The following NBAS variants were observed in gnomAD, a reference collection of about 807,000 sequenced individuals.
NBAS encodes NBAS subunit of NRZ tethering complex.
NBAS carries 219 observed loss-of-function variants against 302.5 expected under a neutral mutation model. The observed-to-expected ratio is 0.72, with a 90% CI of 0.65 to 0.81. NBAS has a LOEUF of 0.81. Among genes scored for constraint, NBAS ranks in the 30% least tolerant of loss-of-function variants. The pLI is 0.00. For synonymous variants in NBAS, 1,118 were observed against 1,021.6 expected, an observed-to-expected ratio of 1.09 and a Z score of -1.80; for missense variants, 2,932 against 2,841.6, an observed-to-expected ratio of 1.03 and a Z score of -0.72.
the NBAS span, among the ~76,000 whole-genome samples, chr2:15,075,029 A>G: frequency 0.26 from 40,133 of 152,050 alleles, 5,439 homozygotes; most frequent in East Asian, 0.34. Flanking sequence ...AAATGCACAC[A>G]CTCTTCAAAT....
chr2:15,462,687 C>A (rs1407949490), intron 19 of NBAS, among the ~76,000 whole-genome samples: 1 of 152,052 alleles, frequency 6.6e-6, no homozygotes, highest in Admixed American at 6.6e-5. Context: ...AAGTTGGCAA[C>A]TATGGCATGT....
chr2:15,340,724 G>C (rs1672808959), intron 35 of NBAS, among the ~76,000 whole-genome samples: 1 of 152,112 alleles, frequency 6.6e-6, no homozygotes, highest in African/African-American at 2.4e-5. Context: ...CATTTAGCTG[G>C]GGAGATGAGG....
rs1183112366 is a variant in NBAS at position 15,497,973 on chromosome 2, T to C, written c.954+6172A>G. ...CAAAAGATATGTTTTTAAAAGCTTA[T>C]CTAACAAATTATTAAAGGAACTAAA... On this transcript the variant is annotated intron_variant, in intron 11 of 51. Transcript: ENST00000281513. Among the ~76,000 whole-genome samples, 3 of 152,206 alleles carry C rather than the reference T, an allele frequency of 2.0e-5. No individual in the cohort carries two copies. In the East Asian group the frequency reaches 5.8e-4, roughly 29 times the overall value.
intron 44 of NBAS, among the ~76,000 whole-genome samples, chr2:15,274,931 AT>A (rs541507520): frequency 8.2e-4 from 115 of 139,992 alleles, no homozygotes; most frequent in Non-Finnish European, 9.3e-4. Flanking sequence ...CACCCAGGTA[AT>A]TTTTTTTTTT....
intron 38 of NBAS, among the ~76,000 whole-genome samples, chr2:15,326,082 T>C (rs1672051260): frequency 3.3e-5 from 5 of 152,178 alleles, no homozygotes; most frequent in Admixed American, 3.3e-4. Context: ...TTGGTGCAGT[T>C]CATGGTGCCC....
At chr2:15,066,505 G>A in the NBAS span, among the ~76,000 whole-genome samples, 9 of 152,060 alleles carry the variant, frequency 5.9e-5, no homozygotes, top group Non-Finnish European at 1.2e-4. Flanking sequence ...ATCATATGAC[G>A]CAAGAGCAAG....
At position 15,391,599 on chromosome 2, in the gene NBAS, G is replaced by T. The variant is rs557114691; in HGVS notation, c.3257+2628C>A. On this transcript the variant is annotated intron_variant, in intron 28 of 51. Transcript: ENST00000281513. ...AGATGTATAATTGGAGTCCTGAAAG[G>T]AGAGGAGCAGAAGATAAAGGAGAAG... 2.0e-5 allele frequency among the ~76,000 whole-genome samples: 3 copies of T among 152,114 alleles called. No individual in the cohort carries two copies. In the East Asian group the frequency reaches 5.8e-4, roughly 29 times the overall value.
chr2:15,464,101 CTTT>C (rs1458459047), intron 19 of NBAS, among the ~76,000 whole-genome samples: 2 of 152,142 alleles, frequency 1.3e-5, no homozygotes, highest in African/African-American at 4.8e-5. Flanking sequence ...CTCTCTACTT[CTTT>C]GACTGACTGA....
chr2:15,349,657 T>G (rs1673256382), intron 35 of NBAS, among the ~76,000 whole-genome samples: 1 of 152,156 alleles, frequency 6.6e-6, no homozygotes, highest in African/African-American at 2.4e-5. Flanking sequence ...TTAAATAAAA[T>G]TAAATACAAT....
chr2:15,551,240 G>C (rs1346942968), intron 6 of NBAS, among the ~76,000 whole-genome samples: 1 of 150,974 alleles, frequency 6.6e-6, no homozygotes, highest in Admixed American at 6.6e-5. Context: ...AAAGGCTACA[G>C]TTAAAAATAC....
At chr2:14,837,136 T>G in the NBAS span, among the ~76,000 whole-genome samples, 1 of 151,820 alleles carries the variant, frequency 6.6e-6, no homozygotes, top group Non-Finnish European at 1.5e-5. Flanking sequence ...ATTTCCATTC[T>G]TATAACTTTT....
At chr2:15,227,684 C>A (rs1319725811) in intron 47 of NBAS, among the ~76,000 whole-genome samples, 1 of 152,098 alleles carries the variant, frequency 6.6e-6, no homozygotes, top group Non-Finnish European at 1.5e-5. Context: ...TTAATCCATG[C>A]ATTTACAGCA....
chr2:15,106,654 A>G, the NBAS span, among the ~76,000 whole-genome samples: 1 of 151,868 alleles, frequency 6.6e-6, no homozygotes, highest in Non-Finnish European at 1.5e-5. Flanking sequence ...ATGTATATAC[A>G]TTTGTTGGAC....
the NBAS span, among the ~76,000 whole-genome samples, chr2:15,125,044 G>C: frequency 5.9e-4 from 90 of 152,244 alleles, no homozygotes; most frequent in Middle Eastern, 3.4e-3. Context: ...AGATCTCCCA[G>C]CAGCTTTCAA....
chr2:14,895,345 A>C, the NBAS span, among the ~76,000 whole-genome samples: 2 of 152,240 alleles, frequency 1.3e-5, no homozygotes, highest in African/African-American at 4.8e-5. Flanking sequence ...CCTAGAAAAA[A>C]AACTCTTCTA....
At chr2:14,873,696 A>AT in the NBAS span, among the ~76,000 whole-genome samples, 4 of 151,446 alleles carry the variant, frequency 2.6e-5, no homozygotes, top group Admixed American at 1.3e-4. Flanking sequence ...CCAAAAAAAA[A>AT]AAAAACCCAC....
At chr2:15,305,120 A>G (rs1248827784) in intron 40 of NBAS, among the ~76,000 whole-genome samples, 1 of 152,126 alleles carries the variant, frequency 6.6e-6, no homozygotes, top group African/African-American at 2.4e-5. Context: ...AGGCAGAATG[A>G]TATGATTACG....
chr2:15,547,555 G>A (rs1405858802), intron 6 of NBAS, among the ~76,000 whole-genome samples: 3 of 152,152 alleles, frequency 2.0e-5, no homozygotes, highest in East Asian at 1.9e-4. Context: ...ATACAGAAGG[G>A]TAAAGCTTCC....
the NBAS span, among the ~76,000 whole-genome samples, chr2:15,010,078 C>A: frequency 7.2e-5 from 11 of 152,100 alleles, no homozygotes; most frequent in Non-Finnish European, 5.9e-5. Flanking sequence ...CTTTATTACC[C>A]TTACAATGGG....
Sources: allele counts gnomAD v4.1 joint callset (sites outside exome capture counted in the v4.1 genomes callset), GRCh38; gene constraint gnomAD v4.1.1; transcripts MANE v1.5; gene names NCBI Gene and HGNC (gene_info 2026-07-23, HGNC 2026-07-21).